Variants in GABRB1 observed in about 807,000 individuals in gnomAD.
The protein encoded by GABRB1 is gamma-aminobutyric acid type A receptor subunit beta1.
A neutral mutation model predicts 51.6 loss-of-function variants in GABRB1; 17 were observed. The ratio of observed to expected loss-of-function variants is 0.33; its 90% CI spans 0.23 to 0.49. The LOEUF is 0.49. Ranked by LOEUF, GABRB1 falls within the 20% of genes least tolerant of loss-of-function variation. The probability of loss-of-function intolerance (pLI) is 0.99; values close to 1 mark genes in which losing one functional copy is unlikely to be tolerated. For synonymous variants in GABRB1, 247 were observed against 218.9 expected (o/e 1.13, Z -1.14); for missense variants, 410 against 600.6 (o/e 0.68, Z 3.32).
chr4:47,055,794 T>C (rs1253207172), intron 3 of GABRB1, among the ~76,000 whole-genome samples: 2 of 152,218 alleles, frequency 1.3e-5, no homozygotes, highest in African/African-American at 4.8e-5. Flanking sequence ...GTTCATGGTC[T>C]TTATAGCTAC....
chr4:47,101,245 T>G (rs1714708176), intron 3 of GABRB1, among the ~76,000 whole-genome samples: 1 of 152,054 alleles, frequency 6.6e-6, no homozygotes, highest in Admixed American at 6.6e-5. Context: ...AATGAATAAG[T>G]ACATGAATCA....
chr4:47,378,305 C>G (rs1052855061), intron 5 of GABRB1, among the ~76,000 whole-genome samples: 11 of 152,216 alleles, frequency 7.2e-5, no homozygotes, highest in African/African-American at 2.7e-4. Context: ...GTGCTAAGCC[C>G]CTCATTGCCT....
Position 47,246,297 on chromosome 4 carries a change from TATAC to T in GABRB1, c.462-73828_462-73825del, listed in dbSNP as rs1468519005. On this transcript the variant is annotated intron_variant, in intron 4 of 8. Transcript: ENST00000295454. ...TCCATCATATATATATATATATATATATACACACACACACACACACACACACACA... is the reference window on the plus strand; with the variant it reads ...TCCATCATATATATATATATATATATACACACACACACACACACACACACA... Among the ~76,000 whole-genome samples, 697 of 89,284 alleles carry T rather than the reference TATAC, an allele frequency of 7.8e-3. 39 individuals are homozygous for T. Among genetic ancestry groups the T allele is most frequent in the African/African-American group, 0.028 (623 of 22,206 alleles). 58.6% of individuals were successfully genotyped at this position (89,284 alleles called of 152,430 possible).
At chr4:47,186,074 T>C (rs773864074) in intron 4 of GABRB1, among the ~76,000 whole-genome samples, 7 of 151,846 alleles carry the variant, frequency 4.6e-5, no homozygotes, top group Non-Finnish European at 1.0e-4. Flanking sequence ...AAGTTCTTAA[T>C]TGAACGTCTT....
chr4:47,010,104 C>G (rs776314436), intron 1 of GABRB1, among the ~76,000 whole-genome samples: 4 of 152,162 alleles, frequency 2.6e-5, no homozygotes, highest in Non-Finnish European at 5.9e-5. Context: ...TCTCAGCCAG[C>G]CTTTGCTTTG....
intron 4 of GABRB1, among the ~76,000 whole-genome samples, chr4:47,252,910 C>G (rs1327132615): frequency 6.6e-6 from 1 of 152,096 alleles, no homozygotes; most frequent in Non-Finnish European, 1.5e-5. Flanking sequence ...CTTACCAAAA[C>G]ACAAAATCTA....
intron 3 of GABRB1, among the ~76,000 whole-genome samples, chr4:47,110,966 C>G (rs1193911480): frequency 6.6e-6 from 1 of 151,882 alleles, no homozygotes; most frequent in Non-Finnish European, 1.5e-5. Flanking sequence ...ATTATAATTG[C>G]AAATAAGGTT....
intron 3 of GABRB1, among the ~76,000 whole-genome samples, chr4:47,087,249 C>T (rs1042017289): frequency 6.6e-6 from 1 of 151,044 alleles, no homozygotes; most frequent in African/African-American, 2.4e-5. Flanking sequence ...GGACTCCAGG[C>T]GTATGATACA....
chr4:47,164,359 A>T (rs1718083280), intron 4 of GABRB1, among the ~76,000 whole-genome samples: 1 of 152,096 alleles, frequency 6.6e-6, no homozygotes, highest in African/African-American at 2.4e-5. Context: ...CCTAGGTAAG[A>T]GTCTTTTAAA....
chr4:47,173,176 T>C (rs751739537), intron 4 of GABRB1, among the ~76,000 whole-genome samples: 15 of 152,226 alleles, frequency 9.9e-5, no homozygotes, highest in Non-Finnish European at 1.6e-4. Context: ...CTGAGTTAGT[T>C]GTTTGTTCGT....
In GABRB1 at chr4:47,241,253, C is replaced by A. The variant is rs114685921; in HGVS notation, c.462-78874C>A. On this transcript the variant is annotated intron_variant, in intron 4 of 8. Coordinates refer to ENST00000295454, the MANE Select transcript of GABRB1 (RefSeq NM_000812.4). ...GAAAATTACAATTTTCTTTTTTTTCCGAAAGTAATTTGGGCTTGGAGGAAA... is the reference window on the plus strand; with the variant it reads ...GAAAATTACAATTTTCTTTTTTTTCAGAAAGTAATTTGGGCTTGGAGGAAA... Among the ~76,000 whole-genome samples the A allele has an allele frequency of 8.8e-3, 1,330 of 150,626 alleles. 17 individuals carry two copies. The highest frequency in any genetic ancestry group is 0.031 in the African/African-American group (1,263 of 41,330).
chr4:47,046,581 T>C (rs1236980684), intron 3 of GABRB1, among the ~76,000 whole-genome samples: 3 of 152,054 alleles, frequency 2.0e-5, no homozygotes, highest in African/African-American at 4.8e-5. Flanking sequence ...GAGATCACAG[T>C]GACCCTGAAG....
chr4:47,014,229 T>A (rs144980411), intron 1 of GABRB1, among the ~76,000 whole-genome samples: 133 of 152,288 alleles, frequency 8.7e-4, no homozygotes, highest in African/African-American at 3.0e-3. Context: ...TCTGCACTTT[T>A]ACAATTTCCA....
At chr4:47,262,944 C>T (rs1560303932) in intron 4 of GABRB1, among the ~76,000 whole-genome samples, 1 of 147,458 alleles carries the variant, frequency 6.8e-6, no homozygotes, top group Non-Finnish European at 1.5e-5. Context: ...ATTGCAAGGA[C>T]AAAAAACCAA....
chr4:47,321,163 C>A (rs192649124), intron 5 of GABRB1, among the ~76,000 whole-genome samples: 102 of 152,232 alleles, frequency 6.7e-4, no homozygotes, highest in African/African-American at 2.4e-3. Flanking sequence ...CTAATCAGAA[C>A]ATTACTATAG....
At position 47,189,844 on chromosome 4, in the gene GABRB1, A is replaced by G. The variant is rs1046750038; in HGVS notation, c.461+28375A>G. Among the ~76,000 whole-genome samples, 17 of 152,010 alleles carry G rather than the reference A, an allele frequency of 1.1e-4. 1 individual carries two copies. Among genetic ancestry groups the G allele is most frequent in the Admixed American group, 9.2e-4 (14 of 15,236 alleles). ...AATACTTTGTGGATTGAATCAGACT[A>G]TTATGTTTTTTTGTTTGTGTTTTAA... is the stretch of plus-strand genomic sequence containing the variant. On this transcript the variant is annotated intron_variant, in intron 4 of 8. Transcript: ENST00000295454.
chr4:47,257,098 C>A (rs1410037812), intron 4 of GABRB1, among the ~76,000 whole-genome samples: 3 of 152,100 alleles, frequency 2.0e-5, no homozygotes, highest in Non-Finnish European at 4.4e-5. Context: ...AATGGAAGAA[C>A]CTGGTAGAAG....
chr4:47,080,233 A>G (rs1189755604), intron 3 of GABRB1, among the ~76,000 whole-genome samples: 1 of 151,758 alleles, frequency 6.6e-6, no homozygotes. Flanking sequence ...AGTGAGAAAA[A>G]CTGTGACGCA....
chr4:47,391,748 A>G (rs1384175051), intron 5 of GABRB1, among the ~76,000 whole-genome samples: 1 of 152,222 alleles, frequency 6.6e-6, no homozygotes. Flanking sequence ...CCAGTTTGGG[A>G]CCATAAACTC....
Sources: gnomAD v4.1 joint callset for allele counts (sites outside exome capture counted in the v4.1 genomes callset) on GRCh38, gnomAD v4.1.1 for gene constraint, MANE v1.5 for transcripts, NCBI Gene and HGNC (gene_info 2026-07-23, HGNC 2026-07-21) for gene names.